Variants in MB21D2 observed in about 807,000 individuals in gnomAD.
MB21D2 encodes nucleotidyltransferase MB21D2.
MB21D2 carries 9 observed loss-of-function variants against 33.3 expected under a neutral mutation model. The ratio of observed to expected loss-of-function variants is 0.27; its 90% CI spans 0.16 to 0.47. MB21D2 has a LOEUF of 0.47. Ranked by LOEUF, MB21D2 falls within the 20% of genes least tolerant of loss-of-function variation. The pLI, the probability that MB21D2 is intolerant of heterozygous loss-of-function variation, is 0.99. For missense variants in MB21D2, 540 were observed against 624.6 expected, an observed-to-expected ratio of 0.86 and a Z score of 1.44; for synonymous variants, 241 against 236.3, an observed-to-expected ratio of 1.02 and a Z score of -0.18.
At chr3:192,854,743 C>T (rs924826333) in intron 1 of MB21D2, among the ~76,000 whole-genome samples, 13 of 152,308 alleles carry the variant, frequency 8.5e-5, no homozygotes, top group Middle Eastern at 3.4e-3. Context: ...AGCCAATGTC[C>T]ATCTACCATT....
At chr3:192,807,549 C>A (rs372988741) in intron 1 of MB21D2, among the ~76,000 whole-genome samples, 1 of 152,046 alleles carries the variant, frequency 6.6e-6, no homozygotes, top group African/African-American at 2.4e-5. Context: ...TCCTTTCTCA[C>A]GTTGAGATGT....
At chr3:192,905,706 GC>G (rs1490013110) in intron 1 of MB21D2, among the ~76,000 whole-genome samples, 1 of 150,764 alleles carries the variant, frequency 6.6e-6, no homozygotes, top group Non-Finnish European at 1.5e-5. Flanking sequence ...AGGTGTGTGT[GC>G]CTGTAGTGCC....
chr3:192,904,914 G>C (rs1316760106), intron 1 of MB21D2, among the ~76,000 whole-genome samples: 1 of 152,220 alleles, frequency 6.6e-6, no homozygotes, highest in Non-Finnish European at 1.5e-5. Context: ...CTCTGACCTA[G>C]GTGGACCATC....
At position 192,870,699 on chromosome 3, in the gene MB21D2, G is replaced by GAAA. The variant is rs57320648; in HGVS notation, c.211+46928_211+46930dup. On this transcript the variant is annotated intron_variant, in intron 1 of 1. Transcript: ENST00000392452. ...GCACTCCAGCCTGGGCGACTCCGTTGAAAAAAAAAAAAAAAAAAAAGGAAG... is the reference window on the plus strand; with the variant it reads ...GCACTCCAGCCTGGGCGACTCCGTTGAAAAAAAAAAAAAAAAAAAAAAAGGAAG... Among the ~76,000 whole-genome samples, 18 of 41,660 alleles carry GAAA rather than the reference G, an allele frequency of 4.3e-4. 1 individual carries two copies. The highest frequency in any genetic ancestry group is 1.6e-3 in the African/African-American group (15 of 9,208). The allele number at this position is 41,660 out of a possible 152,430, so 27.3% of individuals were successfully genotyped here. A position where few individuals can be genotyped will look rare whatever the true frequency, so the allele number is the denominator to read the frequency against.
At chr3:192,846,768 C>T (rs1019165279) in intron 1 of MB21D2, among the ~76,000 whole-genome samples, 4 of 152,166 alleles carry the variant, frequency 2.6e-5, no homozygotes, top group Non-Finnish European at 5.9e-5. Flanking sequence ...CCAAGGACCA[C>T]CTTTATCATT....
chr3:192,917,582 C>T (rs758200778), intron 1 of MB21D2, 48 bp downstream of exon 1: 4 of 1,591,242 alleles, frequency 2.5e-6, no homozygotes, highest in Non-Finnish European at 3.4e-6. Flanking sequence ...ACTCCGCTTC[C>T]CATCACACAC....
intron 1 of MB21D2, among the ~76,000 whole-genome samples, chr3:192,840,496 G>T (rs1712547427): frequency 1.5e-5 from 2 of 135,782 alleles, no homozygotes; most frequent in Admixed American, 8.5e-5. Context: ...GAGCGTTATT[G>T]GGAGAGTTCC....
At chr3:192,884,441 A>G (rs148884550) in intron 1 of MB21D2, among the ~76,000 whole-genome samples, 7,767 of 151,824 alleles carry the variant, frequency 0.051, 279 homozygotes, top group Non-Finnish European at 0.077. Context: ...ATCTAGGCTC[A>G]CTGCAAGCTC....
chr3:192,870,514 AC>A (rs1412780620), intron 1 of MB21D2, among the ~76,000 whole-genome samples: 2 of 151,610 alleles, frequency 1.3e-5, no homozygotes, highest in Non-Finnish European at 2.9e-5. Flanking sequence ...ACATGGTGAA[AC>A]CCCACCTTTA....
At chr3:192,809,548 T>C (rs547802396) in intron 1 of MB21D2, among the ~76,000 whole-genome samples, 10 of 152,332 alleles carry the variant, frequency 6.6e-5, no homozygotes, top group Non-Finnish European at 1.3e-4. Flanking sequence ...ATAAACAATG[T>C]AATACCTTGG....
chr3:192,902,804 CTCCCAGCCACAGGCCGGTCCTA>C (rs1401815018), intron 1 of MB21D2, among the ~76,000 whole-genome samples: 1 of 152,230 alleles, frequency 6.6e-6, no homozygotes, highest in Non-Finnish European at 1.5e-5. Context: ...GCGGCAACTC[CTCCCAGCCACAGGCCGGTCCTA>C]TAGTCCAGAG....
intron 1 of MB21D2, among the ~76,000 whole-genome samples, chr3:192,895,077 T>A (rs1251973406): frequency 6.6e-6 from 1 of 151,872 alleles, no homozygotes; most frequent in East Asian, 1.9e-4. Flanking sequence ...GTGGCCTGGG[T>A]TGGGGGGGAG....
chr3:192,861,745 C>T (rs370732310), intron 1 of MB21D2, among the ~76,000 whole-genome samples: 6 of 152,194 alleles, frequency 3.9e-5, no homozygotes, highest in East Asian at 1.9e-4. Flanking sequence ...TGGAGGTTTG[C>T]GGTGAGCCAA....
intron 1 of MB21D2, among the ~76,000 whole-genome samples, chr3:192,884,958 T>G (rs943931651): frequency 1.3e-5 from 2 of 152,098 alleles, no homozygotes; most frequent in African/African-American, 4.8e-5. Flanking sequence ...CAGGAAGCAA[T>G]TCTTCTGCTA....
At chr3:192,909,700 G>C (rs971517827) in intron 1 of MB21D2, among the ~76,000 whole-genome samples, 1 of 152,070 alleles carries the variant, frequency 6.6e-6, no homozygotes, top group African/African-American at 2.4e-5. Context: ...GAAGGCCGAG[G>C]TGGGTGCATC....
intron 1 of MB21D2, among the ~76,000 whole-genome samples, chr3:192,915,597 T>A (rs1020461232): frequency 3.3e-5 from 5 of 152,152 alleles, no homozygotes; most frequent in African/African-American, 1.2e-4. Flanking sequence ...GAAAGACTGC[T>A]TGCAAGGTCA....
intron 1 of MB21D2, among the ~76,000 whole-genome samples, chr3:192,879,828 T>A (rs1191522673): frequency 6.6e-6 from 1 of 152,156 alleles, no homozygotes; most frequent in Non-Finnish European, 1.5e-5. Flanking sequence ...AGCTTTCCCT[T>A]AAAACCACAA....
At chr3:192,850,210 G>A (rs1712769192) in intron 1 of MB21D2, among the ~76,000 whole-genome samples, 1 of 152,080 alleles carries the variant, frequency 6.6e-6, no homozygotes, top group Admixed American at 6.5e-5. Flanking sequence ...GAGCCACCGC[G>A]CCCGGCCCAT....
intron 1 of MB21D2, among the ~76,000 whole-genome samples, chr3:192,803,467 G>A (rs1249626187): frequency 3.3e-5 from 5 of 152,188 alleles, no homozygotes; most frequent in Admixed American, 3.3e-4. Context: ...CACTGTTCCA[G>A]AAGCTAATCC....
Sources: gnomAD v4.1 joint callset for allele counts (sites outside exome capture counted in the v4.1 genomes callset) on GRCh38, gnomAD v4.1.1 for gene constraint, MANE v1.5 for transcripts, NCBI Gene and HGNC (gene_info 2026-07-23, HGNC 2026-07-21) for gene names.